HS6ST3: variants seen among roughly 807,000 people sequenced by gnomAD.
The protein encoded by HS6ST3 is heparan sulfate 6-O-sulfotransferase 3, also known as heparan-sulfate 6-O-sulfotransferase 3.
Under a neutral mutation model 36.7 loss-of-function variants are expected in HS6ST3, and 12 were observed. That is an observed-to-expected ratio of 0.33 (90% CI 0.21 to 0.53). HS6ST3 has a LOEUF of 0.53. Ranked by LOEUF, HS6ST3 falls within the 20% of genes least tolerant of loss-of-function variation. HS6ST3 has a pLI of 0.95. For missense variants in HS6ST3, 584 were observed against 640.9 expected, an observed-to-expected ratio of 0.91 and a Z score of 0.96; for synonymous variants, 240 against 257.5, an observed-to-expected ratio of 0.93 and a Z score of 0.65.
intron 1 of HS6ST3, among the ~76,000 whole-genome samples, chr13:96,746,963 C>A (rs1876577310): frequency 6.6e-6 from 1 of 152,026 alleles, no homozygotes; most frequent in Admixed American, 6.6e-5. Context: ...AGTTGTTTGT[C>A]AGGGAATTAT....
In HS6ST3 at chr13:96,184,200, CAAAAAAAA is replaced by C. The variant is rs796944357; in HGVS notation, c.707+92646_707+92653del. ...TGGCAATAGAGCGAGACTCTGTCTC[CAAAAAAAA>C]AAAAAAAAAAAAAAGAGAGAGAGAG... On this transcript the variant is annotated intron_variant, in intron 1 of 1. Coordinates refer to ENST00000376705, the MANE Select transcript of HS6ST3 (RefSeq NM_153456.4). Among the ~76,000 whole-genome samples the C allele has an allele frequency of 3.5e-3, 249 of 71,268 alleles. 3 individuals are homozygous for C. Among genetic ancestry groups the C allele is most frequent in the African/African-American group, 0.015 (238 of 15,686 alleles). 46.8% of individuals were successfully genotyped at this position (71,268 alleles called of 152,430 possible).
At chr13:96,635,714 C>T (rs2056547105) in intron 1 of HS6ST3, among the ~76,000 whole-genome samples, 1 of 152,158 alleles carries the variant, frequency 6.6e-6, no homozygotes, top group African/African-American at 2.4e-5. Context: ...GTGCTCCACA[C>T]ATAATAGGTA....
chr13:96,179,470 C>T (rs962495412), intron 1 of HS6ST3, among the ~76,000 whole-genome samples: 11 of 152,188 alleles, frequency 7.2e-5, no homozygotes, highest in South Asian at 2.1e-4. Flanking sequence ...TTTATTTACT[C>T]GTCCATTCAC....
At chr13:96,373,570 TTCTGTGTG>T (rs2055300508) in intron 1 of HS6ST3, among the ~76,000 whole-genome samples, 1 of 152,216 alleles carries the variant, frequency 6.6e-6, no homozygotes, top group Non-Finnish European at 1.5e-5. Context: ...GCTTTCCATT[TTCTGTGTG>T]TCATTACTTG....
chr13:96,374,989 C>T (rs1339182203), intron 1 of HS6ST3, among the ~76,000 whole-genome samples: 2 of 152,070 alleles, frequency 1.3e-5, no homozygotes, highest in Middle Eastern at 3.2e-3. Flanking sequence ...AGGAGGTTGG[C>T]TCCTGCACAC....
intron 1 of HS6ST3, among the ~76,000 whole-genome samples, chr13:96,471,238 C>T (rs2055838704): frequency 1.3e-5 from 2 of 152,164 alleles, no homozygotes; most frequent in Admixed American, 1.3e-4. Flanking sequence ...TCTTGGATGT[C>T]CTCTGCCTTC....
intron 1 of HS6ST3, among the ~76,000 whole-genome samples, chr13:96,183,764 G>A (rs954020823): frequency 2.0e-5 from 3 of 152,212 alleles, no homozygotes; most frequent in African/African-American, 2.4e-5. Flanking sequence ...TCCAGGACCC[G>A]GGGGAAGGGA....
At chr13:96,100,161 A>G (rs1443312647) in intron 1 of HS6ST3, among the ~76,000 whole-genome samples, 1 of 152,126 alleles carries the variant, frequency 6.6e-6, no homozygotes, top group Non-Finnish European at 1.5e-5. Context: ...AACATAGAAG[A>G]CAGAAATTTA....
chr13:96,379,777 T>C (rs1178501621), intron 1 of HS6ST3, among the ~76,000 whole-genome samples: 1 of 152,148 alleles, frequency 6.6e-6, no homozygotes, highest in African/African-American at 2.4e-5. Context: ...CCCTAGGTGA[T>C]TATTACAGAC....
intron 1 of HS6ST3, among the ~76,000 whole-genome samples, chr13:96,109,944 G>A (rs1373563805): frequency 6.6e-6 from 1 of 152,184 alleles, no homozygotes; most frequent in African/African-American, 2.4e-5. Flanking sequence ...ATTACAGTGG[G>A]CAGCCACCAG....
intron 1 of HS6ST3, among the ~76,000 whole-genome samples, chr13:96,728,575 TGAATA>T (rs2138474711): frequency 6.6e-6 from 1 of 152,366 alleles, no homozygotes; most frequent in East Asian, 1.9e-4. Flanking sequence ...GTGCAAAATA[TGAATA>T]GAATAGTGAG....
At chr13:96,601,326 C>CT (rs1381107707) in intron 1 of HS6ST3, among the ~76,000 whole-genome samples, 5 of 151,850 alleles carry the variant, frequency 3.3e-5, no homozygotes, top group Non-Finnish European at 7.4e-5. Flanking sequence ...AGACTTTGTT[C>CT]TTTTTAATCT....
At chr13:96,200,533 G>A (rs902860497) in intron 1 of HS6ST3, among the ~76,000 whole-genome samples, 2 of 152,058 alleles carry the variant, frequency 1.3e-5, no homozygotes, top group African/African-American at 4.8e-5. Context: ...TTGCAACTTG[G>A]CCATCTTTCC....
chr13:96,676,665 T>A (rs548334898), intron 1 of HS6ST3, among the ~76,000 whole-genome samples: 1 of 152,288 alleles, frequency 6.6e-6, no homozygotes, highest in African/African-American at 2.4e-5. Flanking sequence ...GTTGTAGTAG[T>A]CTACCTCAAG....
At chr13:96,139,175 GT>G (rs916566288) in intron 1 of HS6ST3, among the ~76,000 whole-genome samples, 13 of 151,606 alleles carry the variant, frequency 8.6e-5, no homozygotes, top group Admixed American at 7.9e-4. Flanking sequence ...AAGAAGCACC[GT>G]TTTTTTTCTG....
At chr13:96,537,245 A>G (rs940008269) in intron 1 of HS6ST3, among the ~76,000 whole-genome samples, 1 of 152,196 alleles carries the variant, frequency 6.6e-6, no homozygotes, top group Non-Finnish European at 1.5e-5. Flanking sequence ...TTATAAAACC[A>G]TCAGATCTTG....
At chr13:96,558,590 T>A (rs139171402) in intron 1 of HS6ST3, among the ~76,000 whole-genome samples, 104 of 152,294 alleles carry the variant, frequency 6.8e-4, no homozygotes, top group African/African-American at 2.4e-3. Flanking sequence ...AGAGGGAATG[T>A]GTAACTTAAA....
At chr13:96,323,205 A>T (rs2055013425) in intron 1 of HS6ST3, among the ~76,000 whole-genome samples, 1 of 152,192 alleles carries the variant, frequency 6.6e-6, no homozygotes, top group Non-Finnish European at 1.5e-5. Flanking sequence ...TATCTGATAG[A>T]TTATCTCAAT....
At chr13:96,317,353 TATATATATATATATAAAATTATA>T (rs1566322063) in intron 1 of HS6ST3, among the ~76,000 whole-genome samples, 2,238 of 31,942 alleles carry the variant, frequency 0.07, 79 homozygotes, top group East Asian at 0.23. Context: ...TATATATATA[TATATATATATATATAAAATTATA>T]TATATATATA....
Sources: allele counts gnomAD v4.1 joint callset (sites outside exome capture counted in the v4.1 genomes callset), GRCh38; gene constraint gnomAD v4.1.1; transcripts MANE v1.5; gene names NCBI Gene and HGNC (gene_info 2026-07-23, HGNC 2026-07-21).